Variants in PDE9A observed in about 807,000 individuals in gnomAD.
PDE9A encodes high affinity cGMP-specific 3',5'-cyclic phosphodiesterase 9A.
PDE9A carries 60 observed loss-of-function variants against 87.4 expected under a neutral mutation model. That is an observed-to-expected ratio of 0.69 (90% CI 0.56 to 0.85). The LOEUF is 0.85. Ranked by LOEUF, PDE9A falls within the 40% of genes least tolerant of loss-of-function variation. PDE9A has a pLI of 0.00. For missense variants in PDE9A, 665 were observed against 779.0 expected (o/e 0.85, Z 1.74); for synonymous variants, 272 against 279.4 (o/e 0.97, Z 0.27).
chr21:42,737,361 C>A (rs1303162728), intron 7 of PDE9A, among the ~76,000 whole-genome samples: 1 of 152,238 alleles, frequency 6.6e-6, no homozygotes, highest in Non-Finnish European at 1.5e-5. Context: ...CAGGCACGTG[C>A]AGATACATTC....
chr21:42,760,893 C>A lies in PDE9A; in HGVS notation c.1071C>A (p.Pro357=), dbSNP rs149440524. The change falls in exon 13 of 20, where the codon CCC becomes CCA. Residue 357 remains proline (P), a synonymous_variant. Transcript: ENST00000291539. The surrounding 1 kb of genome is among the most constrained non-coding windows in gnomAD (Gnocchi z 5.2). Reference sequence around the variant, plus strand: ...CCATCTGCCACGATCTGGACCATCCCGGCTACAACAACACGTATGTACAGG... The same window carrying A: ...CCATCTGCCACGATCTGGACCATCCAGGCTACAACAACACGTATGTACAGG... ...TAAICHDLDH[P]GYNNTYQINA... The A allele has an allele frequency of 1.9e-6, 3 of 1,608,442 alleles. No individual in the cohort carries two copies. The highest frequency in any genetic ancestry group is 2.6e-6 in the Non-Finnish European group (3 of 1,174,736).
intron 2 of PDE9A, among the ~76,000 whole-genome samples, chr21:42,687,245 C>A (rs1243047863): frequency 1.3e-5 from 2 of 152,168 alleles, no homozygotes; most frequent in Non-Finnish European, 2.9e-5. Flanking sequence ...TCTGAAAGTG[C>A]AGCAAATGGC....
chr21:42,758,683 T>C (rs1602507233), intron 10 of PDE9A: 3 of 332,718 alleles, frequency 9.0e-6, no homozygotes, highest in East Asian at 1.2e-4. Context: ...GTGCACTCTC[T>C]CACCCGGTCG....
At chr21:42,769,933 CTTGCT>C (rs1282650881) in intron 17 of PDE9A, among the ~76,000 whole-genome samples, 6 of 152,328 alleles carry the variant, frequency 3.9e-5, no homozygotes, top group Admixed American at 3.9e-4. Flanking sequence ...CCTGCCTTGC[CTTGCT>C]GGGCCCTGGG....
At chr21:42,734,093 C>G (rs1172633643) in intron 7 of PDE9A, 1 of 151,930 alleles carries the variant, frequency 6.6e-6, no homozygotes, top group Non-Finnish European at 1.5e-5. Flanking sequence ...CAAGCAGATG[C>G]CGGCACCAGG....
intron 15 of PDE9A, 27 bp from the exon 16 acceptor site, chr21:42,768,161 C>T (rs2056586987): frequency 2.9e-6 from 4 of 1,400,346 alleles, no homozygotes; most frequent in Non-Finnish European, 3.0e-6. Context: ...CCTCCTGTTA[C>T]CTCAATTCCA....
chr21:42,657,409 G>T (rs1488362094), intron 1 of PDE9A, among the ~76,000 whole-genome samples: 2 of 152,250 alleles, frequency 1.3e-5, no homozygotes, highest in African/African-American at 2.4e-5. Context: ...AACCTAGGGT[G>T]CTGAGGTCCT....
In PDE9A at chr21:42,768,437, A is replaced by T; in HGVS notation, c.1461+145A>T. ...CAGCCTCCAGAAAGCCTTCAGGGTA[A>T]GCGTACATCAGAAACAAAATAGGTT... On this transcript the variant is annotated intron_variant, in intron 16 of 19. Transcript: ENST00000291539. 4 of 1,041,630 alleles carry T rather than the reference A, an allele frequency of 3.8e-6. No individual in the cohort carries two copies. In the East Asian group the frequency reaches 8.0e-5, roughly 21 times the overall value. The allele number at this position is 1,041,630 out of a possible 1,614,324, so 64.5% of individuals were successfully genotyped here. A position where few individuals can be genotyped will look rare whatever the true frequency, so the allele number is the denominator to read the frequency against.
At chr21:42,740,649 G>A (rs1000745149) in intron 7 of PDE9A, among the ~76,000 whole-genome samples, 1 of 147,840 alleles carries the variant, frequency 6.8e-6, no homozygotes, top group Non-Finnish European at 1.5e-5. Flanking sequence ...ATGAATGGAT[G>A]GATAGATAGT....
rs1052840046 is a variant in PDE9A, at chr21:42,658,610, C to T, written c.69+4727C>T. On this transcript the variant is annotated intron_variant, in intron 1 of 19. Coordinates refer to ENST00000291539, the MANE Select transcript of PDE9A (RefSeq NM_002606.3). ...TGCCCTTTCCTGTGGCTGCAGGCAT[C>T]TCTGCTCAATTGTGCAGGGCTGCGT... 2.0e-5 allele frequency among the ~76,000 whole-genome samples: 3 copies of T among 152,212 alleles called. No homozygotes were observed. The East Asian group carries it at 5.8e-4, about 29-fold the overall frequency.
intron 7 of PDE9A, among the ~76,000 whole-genome samples, chr21:42,734,950 A>G (rs894632622): frequency 6.6e-6 from 1 of 152,204 alleles, no homozygotes; most frequent in Admixed American, 6.5e-5. Flanking sequence ...CACCTGGCTG[A>G]AGAGGACCAG....
At chr21:42,771,163 A>G (rs934328621) in intron 18 of PDE9A, among the ~76,000 whole-genome samples, 1 of 152,162 alleles carries the variant, frequency 6.6e-6, no homozygotes, top group African/African-American at 2.4e-5. Flanking sequence ...GCCTGGCCCC[A>G]GGGCTGACTT....
chr21:42,768,146 T>C (rs762507426), intron 15 of PDE9A, 42 bp from the exon 16 acceptor site: 1 of 1,212,296 alleles, frequency 8.2e-7, no homozygotes, highest in Non-Finnish European at 1.2e-6. Flanking sequence ...CAGGCCCGTG[T>C]TCTACCTCCT....
chr21:42,700,915 GTTTCTTT>G (rs1047188290), intron 4 of PDE9A: 2 of 152,012 alleles, frequency 1.3e-5, no homozygotes, highest in African/African-American at 4.8e-5. Flanking sequence ...GTTATCTCTG[GTTTCTTT>G]TTTCTTTTTC....
In PDE9A at chr21:42,678,619, A is replaced by C. The variant is rs116381404; in HGVS notation, c.70-7573A>C. Reference sequence around the variant, plus strand: ...GAATCAGCCTTTCTTTAAACTAAAAAAAAGTTTTCACATATGTGAATGCGT... The same window carrying C: ...GAATCAGCCTTTCTTTAAACTAAAACAAAGTTTTCACATATGTGAATGCGT... On this transcript the variant is annotated intron_variant, in intron 1 of 19. Coordinates refer to ENST00000291539, the MANE Select transcript of PDE9A (RefSeq NM_002606.3). Among the ~76,000 whole-genome samples the C allele has an allele frequency of 2.2e-3, 331 of 152,384 alleles. 1 individual carries two copies. The highest frequency in any genetic ancestry group is 7.7e-3 in the African/African-American group (319 of 41,598).
intron 1 of PDE9A, among the ~76,000 whole-genome samples, chr21:42,656,295 G>A (rs1416706728): frequency 1.3e-5 from 2 of 152,212 alleles, no homozygotes; most frequent in Admixed American, 1.3e-4. Context: ...CATGAGTCCT[G>A]GCGATGGGCA....
At chr21:42,769,977 GCC>G (rs758039481) in intron 17 of PDE9A, among the ~76,000 whole-genome samples, 12 of 152,032 alleles carry the variant, frequency 7.9e-5, no homozygotes, top group Non-Finnish European at 1.8e-4. Context: ...ACCCATCGCT[GCC>G]GGCCTTCAGG....
rs1190461013 is a variant in PDE9A, at chr21:42,759,702, CTG to C, written c.898-619_898-618del. Among the ~76,000 whole-genome samples, 11 of 133,648 alleles carry C rather than the reference CTG, an allele frequency of 8.2e-5. No homozygotes were observed. The highest frequency in any genetic ancestry group is 3.0e-4 in the Admixed American group (4 of 13,460). The allele number at this position is 133,648 out of a possible 152,430, so 87.7% of individuals were successfully genotyped here. ...GTGTATATCTGGATGTGGGGTGTGTCTGTGTGTGGGTGTGTGTGAGGGTGTGT... is the reference window on the plus strand; with the variant it reads ...GTGTATATCTGGATGTGGGGTGTGTCTGTGTGGGTGTGTGTGAGGGTGTGT... On this transcript the variant is annotated intron_variant, in intron 11 of 19. Coordinates refer to ENST00000291539, the MANE Select transcript of PDE9A (RefSeq NM_002606.3). The surrounding 1 kb of genome is among the most constrained non-coding windows in gnomAD (Gnocchi z 7.2).
In PDE9A at chr21:42,695,674, TC is replaced by T. The variant is rs2060106198; in HGVS notation, c.219-3292del. Among the ~76,000 whole-genome samples, 1 of 152,192 alleles carries T rather than the reference TC, an allele frequency of 6.6e-6. No individual in the cohort carries two copies. Among genetic ancestry groups the T allele is most frequent in the African/African-American group, 2.4e-5 (1 of 41,442 alleles). On this transcript the variant is annotated intron_variant, in intron 3 of 19. Coordinates refer to ENST00000291539, the MANE Select transcript of PDE9A (RefSeq NM_002606.3). The surrounding 1 kb of genome is among the most constrained non-coding windows in gnomAD (Gnocchi z 4.3). ...TCCAGAATGGCTCCAGGCCTCCTCC[TC>T]CTCCTATTAAATGTGTTTTAAAAGA...
Sources: allele counts gnomAD v4.1 joint callset (sites outside exome capture counted in the v4.1 genomes callset), GRCh38; gene constraint gnomAD v4.1.1; non-coding constraint Gnocchi (gnomAD v3.1); transcripts MANE v1.5; gene names NCBI Gene and HGNC (gene_info 2026-07-23, HGNC 2026-07-21).